NDOR1: variants seen among roughly 807,000 people sequenced by gnomAD.
NDOR1 encodes NADPH dependent diflavin oxidoreductase 1.
Under a neutral mutation model 67.2 loss-of-function variants are expected in NDOR1, and 61 were observed. That is an observed-to-expected ratio of 0.91 (90% CI 0.74 to 1.12). NDOR1 has a LOEUF of 1.12. Among genes scored for constraint, NDOR1 ranks in the 50% most tolerant of loss-of-function variants. The pLI is 0.00. For synonymous variants in NDOR1, 378 were observed against 343.7 expected (o/e 1.10, Z -1.10); for missense variants, 878 against 802.8 (o/e 1.09, Z -1.13).
Position 137,212,878 on chromosome 9 carries a change from A to T in NDOR1, c.311+279A>T, listed in dbSNP as rs1835332083. 2.2e-6 allele frequency: 1 copy of T among 465,024 alleles called. No homozygotes were observed. The highest frequency in any genetic ancestry group is 3.9e-6 in the Non-Finnish European group (1 of 253,768). The allele number at this position is 465,024 out of a possible 1,614,324, so 28.8% of individuals were successfully genotyped here. ...GGCGCCGGTCCCCACTTTTACAAAAAGGCGTGCTGTGAAGTGTTGACGACT... is the reference window on the plus strand; with the variant it reads ...GGCGCCGGTCCCCACTTTTACAAAATGGCGTGCTGTGAAGTGTTGACGACT... On this transcript the variant is annotated intron_variant, in intron 3 of 13. Transcript: ENST00000684003. This position sits in a 1 kb window ranked among gnomAD's most constrained non-coding sequence, Gnocchi z 4.3.
chr9:137,214,550 T>C lies in NDOR1; in HGVS notation c.723-20T>C. On this transcript the variant is annotated intron_variant, in intron 6 of 13. Transcript: ENST00000684003. Reference sequence around the variant, plus strand: ...CCTCCCTGCGGCGTCCCCACAGCCCTGGTGGCTTCTTCCACACAGCTTTGC... The same window carrying C: ...CCTCCCTGCGGCGTCCCCACAGCCCCGGTGGCTTCTTCCACACAGCTTTGC... 6.2e-7 allele frequency: 1 copy of C among 1,611,040 alleles called. No individual in the cohort carries two copies.
At chr9:137,214,510 C>G in intron 6 of NDOR1, 60 bp from the exon 7 acceptor site, 1 of 1,609,012 alleles carries the variant, frequency 6.2e-7, no homozygotes, top group Non-Finnish European at 8.5e-7. Flanking sequence ...TGACTTCTAT[C>G]CGGGGCCCCG....
chr9:137,211,097 C>T (rs1474885771), intron 2 of NDOR1, among the ~76,000 whole-genome samples: 2 of 152,094 alleles, frequency 1.3e-5, no homozygotes, highest in African/African-American at 2.4e-5. Context: ...GCTGAGGTCG[C>T]ACCATTGCAC....
In NDOR1 at chr9:137,217,363, C is replaced by A. The variant is rs1260154038; in HGVS notation, c.*947C>A. The A allele has an allele frequency of 1.3e-5, 2 of 152,462 alleles. No homozygotes were observed. Among genetic ancestry groups the A allele is most frequent in the Non-Finnish European group, 2.9e-5 (2 of 68,196 alleles). 9.4% of individuals were successfully genotyped at this position (152,462 alleles called of 1,614,324 possible). A position where few individuals can be genotyped will look rare whatever the true frequency, so the allele number is the denominator to read the frequency against. Reference sequence around the variant, plus strand: ...GCTGGGAAGGCGGAACCAAGCCGTCCGTGCCGCTAGGGAGCCGAGACTGCC... The same window carrying A: ...GCTGGGAAGGCGGAACCAAGCCGTCAGTGCCGCTAGGGAGCCGAGACTGCC... On this transcript the variant is annotated 3_prime_UTR_variant, in exon 14 of 14. Transcript: ENST00000684003.
At chr9:137,214,496 G>A in intron 6 of NDOR1, 74 bp from the exon 7 acceptor site, 1 of 1,609,542 alleles carries the variant, frequency 6.2e-7, no homozygotes, top group Non-Finnish European at 8.5e-7. Flanking sequence ...CGGGCTGCAG[G>A]GGATGACTTC....
intron 2 of NDOR1, among the ~76,000 whole-genome samples, chr9:137,206,628 A>G (rs1213803807): frequency 6.6e-6 from 1 of 152,172 alleles, no homozygotes; most frequent in Non-Finnish European, 1.5e-5. Flanking sequence ...TTCTCTGACC[A>G]TCTTTTAAGC....
chr9:137,211,335 C>T (rs1022981410), intron 2 of NDOR1, among the ~76,000 whole-genome samples: 4 of 152,054 alleles, frequency 2.6e-5, no homozygotes, highest in Admixed American at 1.3e-4. Context: ...CCAGGAAGGG[C>T]CCTGCTGAGA....
chr9:137,207,106 G>A (rs1234458038), intron 2 of NDOR1, among the ~76,000 whole-genome samples: 1 of 152,008 alleles, frequency 6.6e-6, no homozygotes, highest in South Asian at 2.1e-4. Flanking sequence ...TGAAATGAAG[G>A]GTTGTCGGAA....
rs1437954807 is a variant in NDOR1 at position 137,216,687 on chromosome 9, C to A, written c.*271C>A. 7.7e-6 allele frequency: 4 copies of A among 517,956 alleles called. No homozygotes were observed. Among genetic ancestry groups the A allele is most frequent in the Non-Finnish European group, 1.4e-5 (4 of 286,736 alleles). 32.1% of individuals were successfully genotyped at this position (517,956 alleles called of 1,614,324 possible). Reference sequence around the variant, plus strand: ...CTCGTCCCCCCACCCCCTTCCCAGTCAAGGTGGTGGCCTGGGCCGCTCCAC... The same window carrying A: ...CTCGTCCCCCCACCCCCTTCCCAGTAAAGGTGGTGGCCTGGGCCGCTCCAC... On this transcript the variant is annotated 3_prime_UTR_variant, in exon 14 of 14. Transcript: ENST00000684003.
rs574117664 is a variant in NDOR1, at chr9:137,213,636, C to T, written c.312-144C>T. On this transcript the variant is annotated intron_variant, in intron 3 of 13. Transcript: ENST00000684003. The stretch of plus-strand genomic sequence containing the variant: ...GCCCTGCCCCCTCCTAGGGTGCGGC[C>T]AGCGTGGAGTGTGTTTTCCACCCGA... The T allele has an allele frequency of 1.6e-4, 132 of 806,352 alleles. 1 individual carries two copies. In the African/African-American group the frequency reaches 2.1e-3, roughly 13 times the overall value. 49.9% of individuals were successfully genotyped at this position (806,352 alleles called of 1,614,324 possible).
Position 137,208,171 on chromosome 9 carries a change from C to T in NDOR1, c.213+1862C>T, listed in dbSNP as rs146621793. 4.2e-3 allele frequency among the ~76,000 whole-genome samples: 608 copies of T among 146,426 alleles called. 3 individuals carry two copies. The highest frequency in any genetic ancestry group is 0.015 in the African/African-American group (575 of 39,382). On this transcript the variant is annotated intron_variant, in intron 2 of 13. Coordinates refer to ENST00000684003, the MANE Select transcript of NDOR1 (RefSeq NM_014434.4). ...AAAAAAAAAAAAAAAGAAAAAGAGC[C>T]GGGCACTGTGGCTCACACCTGTAAT...
rs932935498 is a variant in NDOR1 at position 137,209,878 on chromosome 9, G to C, written c.214-2624G>C. Among the ~76,000 whole-genome samples the C allele has an allele frequency of 2.0e-5, 3 of 152,382 alleles. No individual in the cohort carries two copies. In the South Asian group the frequency reaches 6.2e-4, roughly 32 times the overall value. On this transcript the variant is annotated intron_variant, in intron 2 of 13. Transcript: ENST00000684003. ...AGGCCGAGGCGGGTGGATCACCTGA[G>C]GTCAGGAGTTTGAGACCAGCCTGGC...
Position 137,214,979 on chromosome 9 carries a change from C to G in NDOR1, c.1026C>G (p.Leu342=), listed in dbSNP as rs761678323. ...EFSSAQGQEE[L]FEYCNRPRRT... is the part of the protein sequence containing the mutation. ...GTTCTGCCCAAGGCCAGGAGGAGCTCTTTGAATACTGCAACCGGCCCCGCA... is the reference window on the plus strand; with the variant it reads ...GTTCTGCCCAAGGCCAGGAGGAGCTGTTTGAATACTGCAACCGGCCCCGCA... The change falls in exon 8 of 14, where the codon CTC becomes CTG. Residue 342 remains leucine (L), a synonymous_variant. Coordinates refer to ENST00000684003, the MANE Select transcript of NDOR1 (RefSeq NM_014434.4). 1.2e-6 allele frequency: 2 copies of G among 1,613,462 alleles called. No individual in the cohort carries two copies. Among genetic ancestry groups the G allele is most frequent in the South Asian group, 2.2e-5 (2 of 91,080 alleles).
chr9:137,211,828 G>A (rs757678065), intron 2 of NDOR1, among the ~76,000 whole-genome samples: 9 of 151,798 alleles, frequency 5.9e-5, no homozygotes, highest in African/African-American at 2.2e-4. Context: ...CGAAGACCAC[G>A]CACACAGGCC....
At chr9:137,210,352 A>G (rs1003242172) in intron 2 of NDOR1, among the ~76,000 whole-genome samples, 2 of 151,648 alleles carry the variant, frequency 1.3e-5, no homozygotes, top group Admixed American at 6.6e-5. Flanking sequence ...CCTCCTGGGT[A>G]GCAGGGACTG....
rs1835331413 is a variant in NDOR1 at position 137,212,864 on chromosome 9, C to A, written c.311+265C>A. On this transcript the variant is annotated intron_variant, in intron 3 of 13. Coordinates refer to ENST00000684003, the MANE Select transcript of NDOR1 (RefSeq NM_014434.4). This position sits in a 1 kb window ranked among gnomAD's most constrained non-coding sequence, Gnocchi z 4.3. The stretch of plus-strand genomic sequence containing the variant: ...ACACAGGCCTACCTGGCGCCGGTCC[C>A]CACTTTTACAAAAAGGCGTGCTGTG... The A allele has an allele frequency of 2.1e-6, 1 of 476,394 alleles. No homozygotes were observed. 29.5% of individuals were successfully genotyped at this position (476,394 alleles called of 1,614,324 possible).
intron 2 of NDOR1, among the ~76,000 whole-genome samples, chr9:137,208,362 A>G (rs1588792204): frequency 6.6e-6 from 1 of 151,702 alleles, no homozygotes; most frequent in African/African-American, 2.4e-5. Flanking sequence ...GAGGCAGGAG[A>G]ATGGCGTGAA....
At position 137,216,464 on chromosome 9, in the gene NDOR1, C is replaced by T; in HGVS notation, c.*48C>T. 6.4e-7 allele frequency: 1 copy of T among 1,568,608 alleles called. No homozygotes were observed. The highest frequency in any genetic ancestry group is 8.6e-7 in the Non-Finnish European group (1 of 1,160,998). ...CTCTGACAGCCATCCTCCTGGGAGCCCAGGAAGGCATCCACGAGGGAGCTC... is the reference window on the plus strand; with the variant it reads ...CTCTGACAGCCATCCTCCTGGGAGCTCAGGAAGGCATCCACGAGGGAGCTC... On this transcript the variant is annotated 3_prime_UTR_variant, in exon 14 of 14. Coordinates refer to ENST00000684003, the MANE Select transcript of NDOR1 (RefSeq NM_014434.4).
Position 137,215,157 on chromosome 9 carries a change from C to T in NDOR1, c.1128C>T (p.Ile376=), listed in dbSNP as rs753511816. 1.2e-6 allele frequency: 2 copies of T among 1,613,546 alleles called. No individual in the cohort carries two copies. Among genetic ancestry groups the T allele is most frequent in the Non-Finnish European group, 1.7e-6 (2 of 1,179,980 alleles). ...CTCCCGACTACCTGTTGGACCTCAT[C>T]CCCGTTATCCGGCCGAGGGCCTTCT... ...AIPPDYLLDL[I]PVIRPRAFSI... The change falls in exon 9 of 14, where the codon ATC becomes ATT. Residue 376 remains isoleucine, a synonymous_variant. Transcript: ENST00000684003.
Sources: gnomAD v4.1 joint callset for allele counts (sites outside exome capture counted in the v4.1 genomes callset) on GRCh38, gnomAD v4.1.1 for gene constraint, Gnocchi (gnomAD v3.1) non-coding constraint, MANE v1.5 for transcripts, NCBI Gene and HGNC (gene_info 2026-07-23, HGNC 2026-07-21) for gene names.